Variants in NPHP1 observed in about 807,000 individuals in gnomAD.
The protein encoded by NPHP1 is nephrocystin-1.
In NPHP1, 70 loss-of-function variants were observed where a neutral mutation model predicts 90.4. The ratio of observed to expected loss-of-function variants is 0.77; its 90% confidence interval spans 0.64 to 0.95. The LOEUF (loss-of-function observed/expected upper bound fraction) is 0.95, where lower values mean the gene tolerates loss of function less well. NPHP1 is among the 40% of genes least tolerant of loss of function. NPHP1 has a pLI of 0.00. For synonymous variants in NPHP1, 256 were observed against 271.7 expected, an observed-to-expected ratio of 0.94 and a Z score of 0.57; for missense variants, 764 against 795.9, an observed-to-expected ratio of 0.96 and a Z score of 0.48.
At chr2:110,166,360 C>T (rs2104566186) in intron 6 of NPHP1, among the ~76,000 whole-genome samples, 1 of 152,200 alleles carries the variant, frequency 6.6e-6, no homozygotes, top group South Asian at 2.1e-4. Flanking sequence ...CAAACAAAAT[C>T]CCTGATTTAA....
intron 6 of NPHP1, among the ~76,000 whole-genome samples, chr2:110,166,916 C>T (rs1041266084): frequency 1.3e-5 from 2 of 152,052 alleles, no homozygotes; most frequent in African/African-American, 4.8e-5. Flanking sequence ...AGCTAGTGAG[C>T]TCTTGAAATT....
At chr2:110,167,841 C>T (rs541785288) in intron 6 of NPHP1, among the ~76,000 whole-genome samples, 21 of 152,128 alleles carry the variant, frequency 1.4e-4, no homozygotes, top group African/African-American at 2.2e-4. Context: ...TTGCTGACAC[C>T]GGTTGGTGTA....
intron 11 of NPHP1, among the ~76,000 whole-genome samples, chr2:110,152,930 T>A (rs1681600464): frequency 6.6e-6 from 1 of 150,912 alleles, no homozygotes; most frequent in Admixed American, 6.7e-5. Context: ...AATCCCCAAA[T>A]TTGACAAAAG....
At position 110,160,194 on chromosome 2, in the gene NPHP1, G is replaced by C. The variant is rs746482479; in HGVS notation, c.1016C>G (p.Pro339Arg). Residue 339 changes from proline to arginine, a missense_variant, in exon 11 of 20, where the codon CCT becomes CGT. By Grantham distance (103) the Pro-to-Arg change is moderately radical. Coordinates refer to ENST00000445609, the MANE Select transcript of NPHP1 (RefSeq NM_001128178.3). ...ILTLWSCKMI[P>R]LPGMSIQVLS... ...AACCTGTATGCTCATTCCTGGAAGA[G>C]GAATCATTTTACAGCTCCATAATGT... The C allele has an allele frequency of 5.6e-6, 9 of 1,611,970 alleles. No homozygotes were observed. In the Admixed American group the frequency reaches 1.2e-4, roughly 21 times the overall value.
Position 110,129,178 on chromosome 2 carries a change from C to T in NPHP1, c.1716+8G>A, listed in dbSNP as rs1679589733. The stretch of plus-strand genomic sequence containing the variant: ...CAGCAGGTTTCCATTGCAATGCATG[C>T]TACCCACCCTGAGAGCATCCATCAC... On this transcript the variant is annotated splice_region_variant and intron_variant, in intron 18 of 19. Transcript: ENST00000445609. 1.9e-6 allele frequency: 3 copies of T among 1,609,050 alleles called. No individual in the cohort carries two copies. The East Asian group carries it at 6.7e-5, about 36-fold the overall frequency.
In NPHP1 at chr2:110,198,945, T is replaced by A. The variant is rs1260679464; in HGVS notation, c.143+2476A>T. Among the ~76,000 whole-genome samples, 4 of 151,520 alleles carry A rather than the reference T, an allele frequency of 2.6e-5. No homozygotes were observed. The South Asian group carries it at 6.2e-4, about 24-fold the overall frequency. ...AATTTAAGAATAACCAAATATAAAT[T>A]AATTAATTAACTAATTAAAAGGAAT... On this transcript the variant is annotated intron_variant, in intron 2 of 19. Coordinates refer to ENST00000445609, the MANE Select transcript of NPHP1 (RefSeq NM_001128178.3).
At chr2:110,138,710 G>C (rs1680402034) in intron 16 of NPHP1, among the ~76,000 whole-genome samples, 1 of 152,114 alleles carries the variant, frequency 6.6e-6, no homozygotes, top group African/African-American at 2.4e-5. Flanking sequence ...CCATTGCACA[G>C]TGTTTCAGCT....
At chr2:110,164,595 T>A (rs745454431) in intron 8 of NPHP1, 93 bp downstream of exon 8, 2 of 1,608,884 alleles carry the variant, frequency 1.2e-6, no homozygotes, top group South Asian at 2.2e-5. Context: ...CTGTTTCAGA[T>A]CCATTGGTGT....
At chr2:110,131,857 T>C in intron 16 of NPHP1, 66 bp from the exon 17 acceptor site, 2 of 1,048,278 alleles carry the variant, frequency 1.9e-6, no homozygotes, top group Non-Finnish European at 2.9e-6. Context: ...AATGTTTTGA[T>C]GTATATTACT....
chr2:110,170,082 G>A (rs1434418690), intron 4 of NPHP1, 84 bp from the exon 5 acceptor site: 2 of 1,504,746 alleles, frequency 1.3e-6, no homozygotes, highest in Non-Finnish European at 1.8e-6. Flanking sequence ...ACATATACAT[G>A]AATATCCCAT....
chr2:110,179,922 CA>C (rs1227500821), intron 2 of NPHP1, among the ~76,000 whole-genome samples: 2 of 152,120 alleles, frequency 1.3e-5, no homozygotes, highest in Non-Finnish European at 2.9e-5. Flanking sequence ...CTCTGGGCAT[CA>C]GTTTCCTCTC....
chr2:110,168,585 T>C, intron 5 of NPHP1, 32 bp from the exon 6 acceptor site: 1 of 1,380,500 alleles, frequency 7.2e-7, no homozygotes, highest in Non-Finnish European at 1.0e-6. Flanking sequence ...CCATTTTAAA[T>C]AAAATTCAAT....
intron 8 of NPHP1, chr2:110,163,337 T>C (rs1370664549): frequency 5.2e-6 from 3 of 577,804 alleles, no homozygotes; most frequent in East Asian, 3.0e-5. Context: ...CTAAGCCCCA[T>C]ACAGTGCCCA....
chr2:110,184,991 T>G (rs1221866591), intron 2 of NPHP1: 9 of 622,832 alleles, frequency 1.4e-5, no homozygotes, highest in Non-Finnish European at 2.5e-5. Flanking sequence ...AGGCTCTACC[T>G]TGTTCAAAGG....
intron 2 of NPHP1, chr2:110,184,454 T>C: frequency 2.8e-6 from 2 of 726,732 alleles, no homozygotes; most frequent in Non-Finnish European, 4.7e-6. Flanking sequence ...AGAGCTTCAA[T>C]GTGCCTGCTA....
intron 18 of NPHP1, chr2:110,128,522 T>C (rs1022135344): frequency 1.3e-5 from 2 of 152,736 alleles, no homozygotes; most frequent in Non-Finnish European, 2.9e-5. Context: ...AAAATCCTCT[T>C]GGCCCTGGCC....
intron 16 of NPHP1, among the ~76,000 whole-genome samples, chr2:110,137,286 A>G (rs1389141973): frequency 6.6e-6 from 1 of 152,130 alleles, no homozygotes; most frequent in African/African-American, 2.4e-5. Flanking sequence ...TGTCTAAAAC[A>G]CCAAAAGCAA....
chr2:110,137,251 G>A (rs1445544644), intron 16 of NPHP1, among the ~76,000 whole-genome samples: 1 of 152,092 alleles, frequency 6.6e-6, no homozygotes, highest in Non-Finnish European at 1.5e-5. Flanking sequence ...TCTCATTCAG[G>A]ACATAGGCAT....
chr2:110,172,204 T>C (rs1683176270), intron 4 of NPHP1, among the ~76,000 whole-genome samples: 1 of 152,134 alleles, frequency 6.6e-6, no homozygotes, highest in South Asian at 2.1e-4. Context: ...AGTCTTTTCA[T>C]AGTATCTTTT....
Sources: gnomAD v4.1 joint callset for allele counts (sites outside exome capture counted in the v4.1 genomes callset) on GRCh38, gnomAD v4.1.1 for gene constraint, MANE v1.5 for transcripts, NCBI Gene and HGNC (gene_info 2026-07-23, HGNC 2026-07-21) for gene names.